The following MRPL43 variants were observed in gnomAD, a reference collection of about 807,000 sequenced individuals.
MRPL43 encodes large ribosomal subunit protein mL43.
A neutral mutation model predicts 12.7 loss-of-function variants in MRPL43; 9 were observed. The observed-to-expected ratio is 0.71, with a 90% CI of 0.43 to 1.24. MRPL43 has a LOEUF of 1.24. MRPL43 is among the 50% of genes most tolerant of loss of function. The pLI is 0.00. For synonymous variants in MRPL43, 116 were observed against 96.4 expected, an observed-to-expected ratio of 1.20 and a Z score of -1.19; for missense variants, 211 against 229.2, an observed-to-expected ratio of 0.92 and a Z score of 0.51.
At chr10:100,984,227 C>G (rs887726997), downstream of MRPL43, 11 of 1,484,572 alleles carry the variant, frequency 7.4e-6, no homozygotes, top group Non-Finnish European at 8.0e-6. Flanking sequence ...CTTCATTACC[C>G]CCACTCCATA....
chr10:100,987,479 AG>A lies in MRPL43; in HGVS notation c.-37del, dbSNP rs766763554. 2 of 1,605,992 alleles carry A rather than the reference AG, an allele frequency of 1.2e-6. No homozygotes were observed. Among genetic ancestry groups the A allele is most frequent in the African/African-American group, 2.7e-5 (2 of 74,718 alleles). ...TGGAGGCCGCGGAGCCTAAGCAGCG[AG>A]GAGAGGGGGGCGGGACTAAACCTCG... On this transcript the variant is annotated 5_prime_UTR_variant, in exon 1 of 3. Transcript: ENST00000318364.
At position 100,986,863 on chromosome 10, in the gene MRPL43, C is replaced by G; in HGVS notation, c.351G>C (p.Lys117Asn). 1 of 1,613,692 alleles carries G rather than the reference C, an allele frequency of 6.2e-7. No homozygotes were observed. Among genetic ancestry groups the G allele is most frequent in the Non-Finnish European group, 8.5e-7 (1 of 1,180,040 alleles). Reference sequence around the variant, plus strand: ...TGCTAGGGTTGTCGGTGTGGAAGGGCTTGCGGATGCGGATCACGTCCAAGC... The same window carrying G: ...TGCTAGGGTTGTCGGTGTGGAAGGGGTTGCGGATGCGGATCACGTCCAAGC... ...QSGLDVIRIRKPFHTDNPSIQ... is the reference protein window; with the variant it reads ...QSGLDVIRIRNPFHTDNPSIQ... Residue 117 changes from lysine to asparagine, a missense_variant, in exon 3 of 3, where the codon AAG becomes AAC. Coordinates refer to ENST00000318364, the MANE Select transcript of MRPL43 (RefSeq NM_032112.3).
chr10:100,981,745 C>A (rs1343541905), downstream of MRPL43, among the ~76,000 whole-genome samples: 1 of 152,158 alleles, frequency 6.6e-6, no homozygotes, highest in African/African-American at 2.4e-5. Context: ...ACTTATTCAG[C>A]TATTAAGAAA....
chr10:100,987,069 C>T (rs773762838), intron 2 of MRPL43, 21 bp downstream of exon 2: 2 of 1,612,108 alleles, frequency 1.2e-6, no homozygotes, highest in East Asian at 4.5e-5. Flanking sequence ...CGCCCTCCAG[C>T]CCGAGCCCGG....
downstream of MRPL43, chr10:100,978,713 A>G: frequency 6.4e-7 from 1 of 1,554,450 alleles, no homozygotes; most frequent in Non-Finnish European, 8.8e-7. Flanking sequence ...TGGCCAGCTG[A>G]CCACCCCACC....
chr10:100,978,932 AC>A, downstream of MRPL43: 1 of 1,614,126 alleles, frequency 6.2e-7, no homozygotes, highest in South Asian at 1.1e-5. Flanking sequence ...CTACTTCTTC[AC>A]GGAGCGTGCC....
downstream of MRPL43, chr10:100,979,842 T>G (rs1396322327): frequency 6.2e-7 from 1 of 1,613,038 alleles, no homozygotes; most frequent in South Asian, 1.1e-5. Context: ...CTATGTCCCA[T>G]TCTAGGAAGA....
chr10:100,981,103 T>C, downstream of MRPL43: 4 of 1,609,116 alleles, frequency 2.5e-6, no homozygotes, highest in African/African-American at 1.3e-5. Context: ...CAGACCTATC[T>C]ACCCTTTCAC....
At chr10:100,977,966 C>G (rs963607152), downstream of MRPL43, 4 of 575,706 alleles carry the variant, frequency 6.9e-6, no homozygotes, top group Non-Finnish European at 1.2e-5. Flanking sequence ...TCACCTCCAC[C>G]TGGCAAACTT....
downstream of MRPL43, chr10:100,981,276 T>C (rs199867905): frequency 1.3e-4 from 214 of 1,607,306 alleles, no homozygotes; most frequent in African/African-American, 2.6e-3. Context: ...GACTGTCCTC[T>C]TTGCCATTTA....
chr10:100,978,903 G>A, downstream of MRPL43: 2 of 1,614,236 alleles, frequency 1.2e-6, no homozygotes, highest in Non-Finnish European at 1.7e-6. Context: ...AGTGCAGTGG[G>A]TGATGATGAC....
At chr10:100,984,959 G>A, downstream of MRPL43, 1 of 1,412,142 alleles carries the variant, frequency 7.1e-7, no homozygotes, top group Non-Finnish European at 9.3e-7. Context: ...TATCACACAT[G>A]TGCTTACATT....
chr10:100,987,001 T>A (rs1590012063), intron 2 of MRPL43, 26 bp from the exon 3 acceptor site: 1 of 1,604,798 alleles, frequency 6.2e-7, no homozygotes, highest in East Asian at 2.2e-5. Flanking sequence ...TGAGAGTGGG[T>A]GGAAGCTGGC....
Position 100,986,554 on chromosome 10 carries a change from CT to C in MRPL43, c.*179del, listed in dbSNP as rs1478072963. 2 of 1,564,050 alleles carry C rather than the reference CT, an allele frequency of 1.3e-6. No individual in the cohort carries two copies. ...TAAAAATGAGTGGTTCACAAGGTCACTGCCCCCAGAAGCAGGCACTGGAAAG... is the reference window on the plus strand; with the variant it reads ...TAAAAATGAGTGGTTCACAAGGTCACGCCCCCAGAAGCAGGCACTGGAAAG... On this transcript the variant is annotated 3_prime_UTR_variant, in exon 3 of 3. Transcript: ENST00000318364.
At chr10:100,980,838 G>A, downstream of MRPL43, 1 of 1,580,020 alleles carries the variant, frequency 6.3e-7, no homozygotes, top group Non-Finnish European at 8.6e-7. Flanking sequence ...CTCTATGTGG[G>A]GGCTCCTAGC....
At chr10:100,982,159 A>G (rs111825642), downstream of MRPL43, among the ~76,000 whole-genome samples, 196 of 151,784 alleles carry the variant, frequency 1.3e-3, 1 homozygote, top group African/African-American at 4.0e-3. Context: ...GCTATCTCCC[A>G]CAAGTTAGCC....
At chr10:100,978,655 G>T (rs1314825521), downstream of MRPL43, 3 of 1,607,092 alleles carry the variant, frequency 1.9e-6, no homozygotes, top group Non-Finnish European at 2.6e-6. Context: ...GGAGGATGAG[G>T]CACAGGATGA....
chr10:100,981,245 G>T, downstream of MRPL43: 3 of 1,613,640 alleles, frequency 1.9e-6, no homozygotes, highest in Non-Finnish European at 2.5e-6. Context: ...TGACTCATAT[G>T]AGTGTGGGTC....
downstream of MRPL43, among the ~76,000 whole-genome samples, chr10:100,982,845 G>A (rs535588402): frequency 5.6e-4 from 85 of 152,334 alleles, no homozygotes; most frequent in Non-Finnish European, 9.0e-4. Context: ...GAGACTCCCA[G>A]GTTTCTGACT....
Sources: allele counts gnomAD v4.1 joint callset (sites outside exome capture counted in the v4.1 genomes callset), GRCh38; gene constraint gnomAD v4.1.1; transcripts MANE v1.5; gene names NCBI Gene and HGNC (gene_info 2026-07-23, HGNC 2026-07-21).